Variants in TBC1D2B observed in about 807,000 individuals in gnomAD.
TBC1D2B encodes TBC1 domain family, member 2B.
A neutral mutation model predicts 100.8 loss-of-function variants in TBC1D2B; 64 were observed. That is an observed-to-expected ratio of 0.64 (90% CI 0.52 to 0.78). The LOEUF (loss-of-function observed/expected upper bound fraction) is 0.78, where lower values mean the gene tolerates loss of function less well. Among genes scored for constraint, TBC1D2B ranks in the 30% least tolerant of loss-of-function variants. The pLI is 0.00. For missense variants in TBC1D2B, 1,052 were observed against 1,218.4 expected, an observed-to-expected ratio of 0.86 and a Z score of 2.03; for synonymous variants, 480 against 479.7, an observed-to-expected ratio of 1.00 and a Z score of -0.01.
chr15:78,013,555 A>C (rs951362824), intron 8 of TBC1D2B, among the ~76,000 whole-genome samples: 16 of 152,342 alleles, frequency 1.1e-4, no homozygotes, highest in African/African-American at 3.8e-4. Context: ...GGGAAAAAAA[A>C]CAATCCCAAA....
intron 12 of TBC1D2B, 69 bp downstream of exon 12, chr15:78,001,550 G>C: frequency 6.6e-7 from 1 of 1,513,510 alleles, no homozygotes; most frequent in Non-Finnish European, 8.9e-7. Context: ...GCAAGGACAG[G>C]CTGCTCTCAA....
intron 4 of TBC1D2B, among the ~76,000 whole-genome samples, chr15:78,026,951 T>C (rs917625896): frequency 6.7e-6 from 1 of 149,898 alleles, no homozygotes; most frequent in Non-Finnish European, 1.5e-5. Context: ...CCAGGCACAG[T>C]GGTATGTACC....
At chr15:78,028,393 C>T (rs1156252175) in intron 4 of TBC1D2B, among the ~76,000 whole-genome samples, 1 of 152,216 alleles carries the variant, frequency 6.6e-6, no homozygotes, top group African/African-American at 2.4e-5. Flanking sequence ...AATCGCTTAA[C>T]CCGGAAGGCG....
At chr15:78,022,358 C>G (rs2072536377) in intron 6 of TBC1D2B, among the ~76,000 whole-genome samples, 1 of 151,252 alleles carries the variant, frequency 6.6e-6, no homozygotes, top group Non-Finnish European at 1.5e-5. Flanking sequence ...GACACTGTCT[C>G]AAAAAAAATA....
At position 78,030,164 on chromosome 15, in the gene TBC1D2B, C is replaced by A. The variant is rs768759170; in HGVS notation, c.690G>T (p.Ser230=). ...CTCTCCCAGGACGGAAAGAAGACAT[C>A]GAATTCCTGTTGGGAAAAACAATAT... ...LKQWGNELKN[S]MSSFRPGRGH... is the part of the protein sequence containing the mutation. Residue 230 remains serine (S), a synonymous_variant, in exon 4 of 13, where the codon TCG becomes TCT. Coordinates refer to ENST00000300584, the MANE Select transcript of TBC1D2B (RefSeq NM_144572.2). 1.2e-6 allele frequency: 2 copies of A among 1,605,898 alleles called. No individual in the cohort carries two copies. Among genetic ancestry groups the A allele is most frequent in the East Asian group, 4.5e-5 (2 of 44,842 alleles).
chr15:78,067,071 T>A (rs1048836091), intron 1 of TBC1D2B, among the ~76,000 whole-genome samples: 4 of 152,248 alleles, frequency 2.6e-5, no homozygotes, highest in Non-Finnish European at 4.4e-5. Context: ...ACTAATGGAT[T>A]ACGACAGATA....
chr15:78,021,998 C>T (rs1437184434), intron 6 of TBC1D2B, among the ~76,000 whole-genome samples: 1 of 152,228 alleles, frequency 6.6e-6, no homozygotes, highest in Admixed American at 6.5e-5. Flanking sequence ...GTGTCACGCA[C>T]GCCCTGGAAA....
chr15:78,026,295 G>C, intron 4 of TBC1D2B, among the ~76,000 whole-genome samples: 1 of 152,238 alleles, frequency 6.6e-6, no homozygotes, highest in East Asian at 1.9e-4. Context: ...CTCTGCCCCT[G>C]TGAATGGATT....
rs769447237 is a variant in TBC1D2B, at chr15:78,013,119, G to C, written c.1974C>G (p.Leu658=). Residue 658 remains leucine, a synonymous_variant, in exon 9 of 13, where the codon CTC becomes CTG. Transcript: ENST00000300584. The part of the protein sequence containing the change: ...EMMCSPELKN[L]IRAGIPHEHR... ...GCTCGTGGGGAATGCCCGCACGGAT[G>C]AGGTTTTTTAACTCTGGAGAGCACA... The C allele has an allele frequency of 1.9e-6, 3 of 1,613,886 alleles. No individual in the cohort carries two copies. The highest frequency in any genetic ancestry group is 1.7e-5 in the Admixed American group (1 of 60,008).
chr15:78,025,482 C>A lies in TBC1D2B; in HGVS notation c.863G>T (p.Gly288Val). The change falls in exon 5 of 13, where the codon GGA becomes GTA. Residue 288 changes from glycine (G) to valine (V), a missense_variant. Coordinates refer to ENST00000300584, the MANE Select transcript of TBC1D2B (RefSeq NM_144572.2). ...PEGNKGVTGS[G>V]FPFDFGRNPY... ...GTTACGTCCAAAATCAAAGGGGAAT[C>A]CTGAGCCAGTTACTCCTACATAAAA... 6.2e-7 allele frequency: 1 copy of A among 1,612,308 alleles called. No homozygotes were observed. Among genetic ancestry groups the A allele is most frequent in the Non-Finnish European group, 8.5e-7 (1 of 1,179,140 alleles).
At chr15:78,016,854 G>T in intron 7 of TBC1D2B, 115 bp from the exon 8 acceptor site, 1 of 804,708 alleles carries the variant, frequency 1.2e-6, no homozygotes, top group Admixed American at 3.4e-5. Context: ...GTGAGCCAGA[G>T]ACAGACTGTA....
intron 10 of TBC1D2B, among the ~76,000 whole-genome samples, chr15:78,005,973 AC>A (rs1328855772): frequency 1.3e-5 from 2 of 152,258 alleles, no homozygotes; most frequent in African/African-American, 4.8e-5. Context: ...TCTAAGCATT[AC>A]ATTCAACTTT....
chr15:78,013,102 G>A lies in TBC1D2B; in HGVS notation c.1991C>T (p.Pro664Leu). Residue 664 changes from proline (P) to leucine (L), a missense_variant, in exon 9 of 13, where the codon CCC becomes CTC. Transcript: ENST00000300584. ...CCACACCTTGGAACGGTGCTCGTGG[G>A]GAATGCCCGCACGGATGAGGTTTTT... ...ELKNLIRAGI[P>L]HEHRSKVWKW... The A allele has an allele frequency of 6.2e-7, 1 of 1,613,938 alleles. No individual in the cohort carries two copies. The highest frequency in any genetic ancestry group is 8.5e-7 in the Non-Finnish European group (1 of 1,179,878).
chr15:78,042,191 T>A (rs1183177408), intron 3 of TBC1D2B, among the ~76,000 whole-genome samples: 1 of 152,202 alleles, frequency 6.6e-6, no homozygotes, highest in Non-Finnish European at 1.5e-5. Context: ...CACTCAATCA[T>A]CATCCATGTT....
At position 77,995,422 on chromosome 15, in the gene TBC1D2B, C is replaced by G. The variant is rs1305479602; in HGVS notation, c.*2738G>C. ...GACTACAGGCAGCGCCCGAGGCTATCTGGGGTAAGAAGTGGGCCTGCACAT... is the reference window on the plus strand; with the variant it reads ...GACTACAGGCAGCGCCCGAGGCTATGTGGGGTAAGAAGTGGGCCTGCACAT... On this transcript the variant is annotated 3_prime_UTR_variant, in exon 13 of 13. Coordinates refer to ENST00000300584, the MANE Select transcript of TBC1D2B (RefSeq NM_144572.2). The G allele has an allele frequency of 6.6e-6, 1 of 152,370 alleles. No individual in the cohort carries two copies. Among genetic ancestry groups the G allele is most frequent in the African/African-American group, 2.4e-5 (1 of 41,440 alleles). 9.4% of individuals were successfully genotyped at this position (152,370 alleles called of 1,614,324 possible).
chr15:78,039,784 ACG>A (rs910054180), intron 3 of TBC1D2B, among the ~76,000 whole-genome samples: 5 of 142,262 alleles, frequency 3.5e-5, no homozygotes, highest in South Asian at 4.4e-4. Context: ...ACACACACAC[ACG>A]CAATTTACTG....
chr15:78,007,368 G>A (rs887223100), intron 10 of TBC1D2B, among the ~76,000 whole-genome samples: 1 of 152,200 alleles, frequency 6.6e-6, no homozygotes, highest in Non-Finnish European at 1.5e-5. Flanking sequence ...GAGACAGGCC[G>A]GTGGCCCCAC....
intron 3 of TBC1D2B, among the ~76,000 whole-genome samples, chr15:78,032,410 TA>T (rs201989706): frequency 0.013 from 1,960 of 148,924 alleles, 14 homozygotes; most frequent in Middle Eastern, 0.028. Flanking sequence ...TTTATAGCAA[TA>T]AAAAAAATAT....
chr15:78,047,858 G>C (rs2073231176), intron 2 of TBC1D2B, among the ~76,000 whole-genome samples: 1 of 152,206 alleles, frequency 6.6e-6, no homozygotes, highest in Admixed American at 6.5e-5. Flanking sequence ...CAGTCTACAG[G>C]CACATGGGGT....
Sources: allele counts gnomAD v4.1 joint callset (sites outside exome capture counted in the v4.1 genomes callset), GRCh38; gene constraint gnomAD v4.1.1; transcripts MANE v1.5; gene names NCBI Gene and HGNC (gene_info 2026-07-23, HGNC 2026-07-21).